The following FBXO34 variants were observed in gnomAD, a reference collection of about 807,000 sequenced individuals.
FBXO34 encodes the protein F-box protein 34.
In FBXO34, 12 loss-of-function variants were observed where a neutral mutation model predicts 24.5. That is an observed-to-expected ratio of 0.49 (90% CI 0.31 to 0.79). The LOEUF (loss-of-function observed/expected upper bound fraction) is 0.79, where lower values mean the gene tolerates loss of function less well. Ranked by LOEUF, FBXO34 falls within the 30% of genes least tolerant of loss-of-function variation. The probability of loss-of-function intolerance (pLI) is 0.04; values close to 1 mark genes in which losing one functional copy is unlikely to be tolerated. For missense variants in FBXO34, 823 were observed against 857.7 expected, an observed-to-expected ratio of 0.96 and a Z score of 0.51; for synonymous variants, 320 against 311.9, an observed-to-expected ratio of 1.03 and a Z score of -0.27.
intron 1 of FBXO34, among the ~76,000 whole-genome samples, chr14:55,338,067 T>TTTTTTTTTTTTTTTTTTTTTGTGTTTG (rs1883850708): frequency 7.0e-6 from 1 of 142,758 alleles, no homozygotes; most frequent in Admixed American, 7.2e-5. Flanking sequence ...TTTTTTTTTT[T>TTTTTTTTTTTTTTTTTTTTTGTGTTTG]GAGATGGAGT....
At chr14:55,411,735 C>T in the FBXO34 span, 1 of 1,611,316 alleles carries the variant, frequency 6.2e-7, no homozygotes, top group Non-Finnish European at 8.5e-7. Flanking sequence ...GCATCGTCCA[C>T]GGAGTCCACC....
intron 1 of FBXO34, among the ~76,000 whole-genome samples, chr14:55,309,864 C>T (rs944364367): frequency 5.9e-5 from 9 of 152,232 alleles, no homozygotes; most frequent in African/African-American, 9.6e-5. Context: ...TTATTCCATT[C>T]GTAATGCATT....
intron 1 of FBXO34, among the ~76,000 whole-genome samples, chr14:55,276,268 A>G (rs527627247): frequency 6.6e-6 from 1 of 152,326 alleles, no homozygotes; most frequent in East Asian, 1.9e-4. Context: ...TTCATAGTGA[A>G]ACATTTCATT....
the FBXO34 span, chr14:55,382,301 A>G: frequency 1.2e-6 from 1 of 848,198 alleles, no homozygotes; most frequent in African/African-American, 1.7e-5. Context: ...GAGCACAGAA[A>G]TTTTACATTA....
At chr14:55,383,767 A>G in the FBXO34 span, among the ~76,000 whole-genome samples, 1 of 150,980 alleles carries the variant, frequency 6.6e-6, no homozygotes, top group Non-Finnish European at 1.5e-5. Flanking sequence ...AAATCAAAAA[A>G]CAAAAAAAAA....
chr14:55,330,350 C>G (rs1179951007), intron 1 of FBXO34, among the ~76,000 whole-genome samples: 2 of 152,160 alleles, frequency 1.3e-5, no homozygotes, highest in Non-Finnish European at 2.9e-5. Context: ...CGTTTTGTTT[C>G]TCTCTGTTAC....
At chr14:55,320,593 TACAC>T (rs556068490) in intron 1 of FBXO34, among the ~76,000 whole-genome samples, 3 of 152,014 alleles carry the variant, frequency 2.0e-5, no homozygotes, top group Non-Finnish European at 4.4e-5. Context: ...CTACTAAAAA[TACAC>T]ACACACAAAA....
chr14:55,440,354 G>A, the FBXO34 span: 1 of 1,611,172 alleles, frequency 6.2e-7, no homozygotes, highest in Non-Finnish European at 8.5e-7. Flanking sequence ...AGGACCGGGC[G>A]GGACTTGGGT....
downstream of FBXO34, among the ~76,000 whole-genome samples, chr14:55,364,405 T>A (rs76892642): frequency 0.014 from 2,139 of 152,236 alleles, 58 homozygotes; most frequent in African/African-American, 0.049. Flanking sequence ...GGAGGAAAGA[T>A]TGTCCCACTG....
intron 1 of FBXO34, among the ~76,000 whole-genome samples, chr14:55,349,243 C>G (rs995541114): frequency 7.9e-5 from 12 of 151,820 alleles, no homozygotes; most frequent in African/African-American, 2.9e-4. Flanking sequence ...GTGACTTGCC[C>G]AAGGTAAAAT....
the FBXO34 span, among the ~76,000 whole-genome samples, chr14:55,404,528 G>T: frequency 6.6e-6 from 1 of 152,246 alleles, no homozygotes; most frequent in African/African-American, 2.4e-5. Flanking sequence ...TATTTTCCAT[G>T]AAGTATGTCT....
chr14:55,357,471 C>G (rs1884538656), downstream of FBXO34, among the ~76,000 whole-genome samples: 1 of 152,212 alleles, frequency 6.6e-6, no homozygotes, highest in Non-Finnish European at 1.5e-5. Flanking sequence ...CCCTCTCATT[C>G]TTTTTGAATT....
intron 1 of FBXO34, chr14:55,282,580 C>A (rs1417208013): frequency 5.4e-6 from 1 of 185,390 alleles, no homozygotes; most frequent in Non-Finnish European, 1.2e-5. Context: ...GCTTGGGACA[C>A]CCTATTTCTG....
the FBXO34 span, chr14:55,381,863 G>GC: frequency 4.2e-6 from 4 of 947,754 alleles, no homozygotes; most frequent in Non-Finnish European, 6.5e-6. Context: ...TGTACTAAAT[G>GC]CCCCTGAATG....
chr14:55,341,536 AT>A (rs1883991363), intron 1 of FBXO34, among the ~76,000 whole-genome samples: 1 of 152,258 alleles, frequency 6.6e-6, no homozygotes, highest in African/African-American at 2.4e-5. Context: ...TCTGTAAAAA[AT>A]ATTAGAATAG....
chr14:55,299,346 G>A (rs1882260820), intron 1 of FBXO34: 2 of 602,308 alleles, frequency 3.3e-6, no homozygotes, highest in African/African-American at 1.9e-5. Context: ...GGGCCGCATT[G>A]CTGCTCGCTC....
At chr14:55,297,263 A>G (rs1882170269) in intron 1 of FBXO34, among the ~76,000 whole-genome samples, 1 of 152,180 alleles carries the variant, frequency 6.6e-6, no homozygotes, top group Non-Finnish European at 1.5e-5. Flanking sequence ...CCCGTACCCT[A>G]TCTACCCAAG....
chr14:55,406,442 C>T, the FBXO34 span, among the ~76,000 whole-genome samples: 1 of 152,138 alleles, frequency 6.6e-6, no homozygotes, highest in Non-Finnish European at 1.5e-5. Context: ...AGTCTAAAGG[C>T]AATCACAGAA....
chr14:55,439,968 C>CGT, the FBXO34 span, among the ~76,000 whole-genome samples: 1 of 137,500 alleles, frequency 7.3e-6, no homozygotes. Flanking sequence ...AGGTGTGGTG[C>CGT]GTGTGCCTGA....
Sources: allele counts gnomAD v4.1 joint callset (sites outside exome capture counted in the v4.1 genomes callset), GRCh38; gene constraint gnomAD v4.1.1; transcripts MANE v1.5; gene names NCBI Gene and HGNC (gene_info 2026-07-23, HGNC 2026-07-21).